ASIC2: variants seen among roughly 807,000 people sequenced by gnomAD.
The protein encoded by ASIC2 is acid sensing ion channel subunit 2.
Under a neutral mutation model 57.3 loss-of-function variants are expected in ASIC2, and 25 were observed. That is an observed-to-expected ratio of 0.44 (90% CI 0.32 to 0.61). ASIC2 has a LOEUF of 0.61. Ranked by LOEUF, ASIC2 falls within the 20% of genes least tolerant of loss-of-function variation. ASIC2 has a pLI of 0.06. For synonymous variants in ASIC2, 319 were observed against 307.5 expected, an observed-to-expected ratio of 1.04 and a Z score of -0.39; for missense variants, 641 against 738.1, an observed-to-expected ratio of 0.87 and a Z score of 1.52.
chr17:33,838,104 G>A (rs1913326833), intron 1 of ASIC2, among the ~76,000 whole-genome samples: 1 of 152,190 alleles, frequency 6.6e-6, no homozygotes, highest in South Asian at 2.1e-4. Flanking sequence ...GTAGTTTTGT[G>A]TTTATGTAAT....
At position 33,060,558 on chromosome 17, in the gene ASIC2, C is replaced by T. The variant is rs571760647; in HGVS notation, c.987+28305G>A. 2.0e-5 allele frequency among the ~76,000 whole-genome samples: 3 copies of T among 152,320 alleles called. No homozygotes were observed. In the East Asian group the frequency reaches 5.8e-4, roughly 29 times the overall value. Reference sequence around the variant, plus strand: ...TACAAGTACCATGCTGTTTTGGTTACTGTAGCCTTGTAGTATAGTTTGCAG... The same window carrying T: ...TACAAGTACCATGCTGTTTTGGTTATTGTAGCCTTGTAGTATAGTTTGCAG... On this transcript the variant is annotated intron_variant, in intron 3 of 9. Coordinates refer to ENST00000225823, the MANE Select transcript of ASIC2 (RefSeq NM_183377.2).
Position 33,340,861 on chromosome 17 carries a change from G to T in ASIC2, c.556-228794C>A, listed in dbSNP as rs147259659. Among the ~76,000 whole-genome samples the T allele has an allele frequency of 2.5e-3, 375 of 152,170 alleles. 3 individuals carry two copies. The highest frequency in any genetic ancestry group is 8.6e-3 in the African/African-American group (358 of 41,514). On this transcript the variant is annotated intron_variant, in intron 1 of 9. Transcript: ENST00000359872. ...AGTATGAGGCCTGCGAGGTGTCCAGGGTGCATCATTTAGGGAGGAACTCAC... is the reference window on the plus strand; with the variant it reads ...AGTATGAGGCCTGCGAGGTGTCCAGTGTGCATCATTTAGGGAGGAACTCAC...
intron 3 of ASIC2, among the ~76,000 whole-genome samples, chr17:33,075,020 T>A (rs2092083878): frequency 6.6e-6 from 1 of 152,164 alleles, no homozygotes; most frequent in Non-Finnish European, 1.5e-5. Flanking sequence ...TCCACTGCCA[T>A]GTCCCCTCTG....
chr17:33,729,855 A>T (rs577639743), intron 1 of ASIC2, among the ~76,000 whole-genome samples: 2 of 152,306 alleles, frequency 1.3e-5, no homozygotes, highest in South Asian at 2.1e-4. Context: ...GACTCAATGA[A>T]GTTAAGAAGT....
Position 33,907,432 on chromosome 17 carries a change from C to A in ASIC2, c.555+248546G>T, listed in dbSNP as rs142478457. Among the ~76,000 whole-genome samples the A allele has an allele frequency of 1.4e-3, 210 of 152,314 alleles. 1 individual carries two copies. The highest frequency in any genetic ancestry group is 4.9e-3 in the African/African-American group (202 of 41,566). ...AATTGCCATCAATGGTGCTCCATTT[C>A]CATGCACCTCCCATTTGACTATCTC... On this transcript the variant is annotated intron_variant, in intron 1 of 9. Coordinates refer to the ASIC2 transcript ENST00000359872.
rs550639765 is a variant in ASIC2 at position 33,269,917 on chromosome 17, C to T, written c.708+21491G>A. Among the ~76,000 whole-genome samples the T allele has an allele frequency of 1.3e-3, 199 of 152,320 alleles. 1 individual carries two copies. The highest frequency in any genetic ancestry group is 9.5e-3 in the South Asian group (46 of 4,834). On this transcript the variant is annotated intron_variant, in intron 1 of 9. Transcript: ENST00000225823. ...GCAGAGGAATAGTTCCGTATCTGAG[C>T]CCACTGCCTCCAGCCATGTGCTTGG... is the stretch of plus-strand genomic sequence containing the variant.
chr17:33,691,411 G>A (rs931124225), intron 1 of ASIC2, among the ~76,000 whole-genome samples: 1 of 152,082 alleles, frequency 6.6e-6, no homozygotes, highest in African/African-American at 2.4e-5. Context: ...TTTTTGCTTT[G>A]CCAGTGTGAT....
At chr17:33,995,385 C>G (rs1038494242) in intron 1 of ASIC2, among the ~76,000 whole-genome samples, 1 of 152,028 alleles carries the variant, frequency 6.6e-6, no homozygotes, top group Non-Finnish European at 1.5e-5. Flanking sequence ...CCTGTCCATC[C>G]TTTACCCACC....
intron 1 of ASIC2, chr17:33,794,848 T>G (rs887050637): frequency 6.6e-6 from 1 of 152,138 alleles, no homozygotes; most frequent in African/African-American, 2.4e-5. Context: ...TAGCACAGTT[T>G]AGTAGAGAAA....
intron 1 of ASIC2, among the ~76,000 whole-genome samples, chr17:34,069,018 G>A (rs1909279719): frequency 1.3e-5 from 2 of 152,316 alleles, no homozygotes; most frequent in South Asian, 2.1e-4. Flanking sequence ...GGAAGACCAC[G>A]ATGTGCTGAA....
intron 1 of ASIC2, among the ~76,000 whole-genome samples, chr17:34,033,571 C>CG (rs1344966518): frequency 6.6e-6 from 1 of 151,958 alleles, no homozygotes; most frequent in Non-Finnish European, 1.5e-5. Context: ...TTAATGAATC[C>CG]GGGAGTTGCT....
intron 1 of ASIC2, among the ~76,000 whole-genome samples, chr17:33,334,495 G>T (rs1444500007): frequency 6.6e-6 from 1 of 152,170 alleles, no homozygotes; most frequent in Non-Finnish European, 1.5e-5. Context: ...CTGGCTTCCA[G>T]CATGGACCAA....
intron 1 of ASIC2, among the ~76,000 whole-genome samples, chr17:34,025,452 A>G (rs1450762544): frequency 6.6e-6 from 1 of 152,150 alleles, no homozygotes; most frequent in Non-Finnish European, 1.5e-5. Context: ...CTTACACACA[A>G]AAGCACCCGA....
chr17:33,318,028 A>G (rs1214131945), intron 1 of ASIC2, among the ~76,000 whole-genome samples: 2 of 152,102 alleles, frequency 1.3e-5, no homozygotes, highest in Admixed American at 6.5e-5. Flanking sequence ...CACCGTCTTT[A>G]GGAAAGAGCT....
chr17:33,071,066 G>C (rs1044225937), intron 3 of ASIC2, among the ~76,000 whole-genome samples: 3 of 152,032 alleles, frequency 2.0e-5, no homozygotes, highest in African/African-American at 7.2e-5. Context: ...GAGCAATTTC[G>C]GTATGACTTT....
intron 2 of ASIC2, among the ~76,000 whole-genome samples, chr17:33,102,207 A>G (rs147848722): frequency 5.1e-4 from 77 of 152,310 alleles, no homozygotes; most frequent in African/African-American, 1.8e-3. Context: ...GGGAAACCAA[A>G]TTCTACTCTC....
At chr17:34,002,247 A>G (rs1174062160) in intron 1 of ASIC2, 1 of 152,264 alleles carries the variant, frequency 6.6e-6, no homozygotes, top group Non-Finnish European at 1.5e-5. Context: ...AGAGGGAACT[A>G]TAAGGAGGCT....
chr17:34,083,322 T>C (rs914933966), intron 1 of ASIC2, among the ~76,000 whole-genome samples: 1 of 151,938 alleles, frequency 6.6e-6, no homozygotes, highest in African/African-American at 2.4e-5. Context: ...GATTTCCAAT[T>C]TCATCCATGT....
At chr17:33,038,064 A>T (rs756385207) in intron 3 of ASIC2, among the ~76,000 whole-genome samples, 4 of 152,130 alleles carry the variant, frequency 2.6e-5, no homozygotes, top group Non-Finnish European at 5.9e-5. Flanking sequence ...CCCATGCAGA[A>T]CCTCGAACTC....
Sources: allele counts gnomAD v4.1 joint callset (sites outside exome capture counted in the v4.1 genomes callset), GRCh38; gene constraint gnomAD v4.1.1; transcripts MANE v1.5; gene names NCBI Gene and HGNC (gene_info 2026-07-23, HGNC 2026-07-21).